Variants in DDX25 observed in about 807,000 individuals in gnomAD.
DDX25 encodes ATP-dependent RNA helicase DDX25.
In DDX25, 70 loss-of-function variants were observed where a neutral mutation model predicts 64.6. That is an observed-to-expected ratio of 1.08 (90% CI 0.89 to 1.32). The LOEUF is 1.32. Among genes scored for constraint, DDX25 ranks in the 40% most tolerant of loss-of-function variants. The pLI is 0.00. For synonymous variants in DDX25, 211 were observed against 213.3 expected (o/e 0.99, Z 0.09); for missense variants, 587 against 604.4 (o/e 0.97, Z 0.30).
Position 125,921,674 on chromosome 11 carries a change from A to C in DDX25, c.1390+295A>C, listed in dbSNP as rs1945118216. The C allele has an allele frequency of 3.8e-6, 1 of 263,930 alleles. No homozygotes were observed. Among genetic ancestry groups the C allele is most frequent in the African/African-American group, 2.2e-5 (1 of 46,456 alleles). 16.3% of individuals were successfully genotyped at this position (263,930 alleles called of 1,614,324 possible). ...GGGAGGCCGAGGTGGTCAGATCATGAGGTCAGGAAATCCAGACCATCCTGG... is the reference window on the plus strand; with the variant it reads ...GGGAGGCCGAGGTGGTCAGATCATGCGGTCAGGAAATCCAGACCATCCTGG... On this transcript the variant is annotated intron_variant, in intron 11 of 11. Coordinates refer to ENST00000263576, the MANE Select transcript of DDX25 (RefSeq NM_013264.5). The surrounding 1 kb of genome is among the most constrained non-coding windows in gnomAD (Gnocchi z 4.1).
chr11:125,920,270 C>G (rs1945093580), intron 10 of DDX25, among the ~76,000 whole-genome samples: 1 of 152,164 alleles, frequency 6.6e-6, no homozygotes, highest in African/African-American at 2.4e-5. Flanking sequence ...AACCCCATCT[C>G]TACTAAAAAT....
In DDX25 at chr11:125,921,526, G is replaced by A. The variant is rs1259784899; in HGVS notation, c.1390+147G>A. On this transcript the variant is annotated intron_variant, in intron 11 of 11. Transcript: ENST00000263576. This position sits in a 1 kb window ranked among gnomAD's most constrained non-coding sequence, Gnocchi z 4.1. ...AAGGCTTCTAATTCACAGGACCAGG[G>A]TTCTAATATGAGACAGATGATTAAA... 7.3e-6 allele frequency: 6 copies of A among 820,062 alleles called. No homozygotes were observed. The African/African-American group carries it at 1.0e-4, about 14-fold the overall frequency. 50.8% of individuals were successfully genotyped at this position (820,062 alleles called of 1,614,324 possible).
chr11:125,908,634 A>C, intron 6 of DDX25, 131 bp downstream of exon 6: 1 of 962,224 alleles, frequency 1.0e-6, no homozygotes, highest in Non-Finnish European at 1.6e-6. Context: ...TTTTCATAAA[A>C]TCATAGAGCA....
At position 125,925,700 on chromosome 11, in the gene DDX25, C is replaced by T. The variant is rs1565470548; in HGVS notation, c.*2819C>T. The T allele has an allele frequency of 3.1e-6, 1 of 322,000 alleles. No homozygotes were observed. The highest frequency in any genetic ancestry group is 8.0e-5 in the East Asian group (1 of 12,486). 19.9% of individuals were successfully genotyped at this position (322,000 alleles called of 1,614,324 possible). A position where few individuals can be genotyped will look rare whatever the true frequency, so the allele number is the denominator to read the frequency against. On this transcript the variant is annotated 3_prime_UTR_variant, in exon 12 of 12. Coordinates refer to ENST00000263576, the MANE Select transcript of DDX25 (RefSeq NM_013264.5). Reference sequence around the variant, plus strand: ...GTTAGCATATTGAAATTCATGATTACGTAGAGCAGGACTGTGATTTCCAGT... The same window carrying T: ...GTTAGCATATTGAAATTCATGATTATGTAGAGCAGGACTGTGATTTCCAGT...
rs553193468 is a variant in DDX25 at position 125,905,276 on chromosome 11, T to C, written c.128T>C (p.Ile43Thr). ...ATTAAGAGTACTGCAGTCCGAAACA[T>C]AGGTGAGTGCTGTTAGGGCAAAGCA... is the stretch of plus-strand genomic sequence containing the variant. ...WGIKSTAVRN[I>T]DGSINNINED... is the part of the protein sequence containing the mutation. Residue 43 changes from isoleucine to threonine, a missense_variant and splice_region_variant, in exon 2 of 12, where the codon ATA becomes ACA. Coordinates refer to ENST00000263576, the MANE Select transcript of DDX25 (RefSeq NM_013264.5). The C allele has an allele frequency of 1.9e-6, 3 of 1,551,654 alleles. No homozygotes were observed. Among genetic ancestry groups the C allele is most frequent in the South Asian group, 1.2e-5 (1 of 84,044 alleles).
chr11:125,904,688 C>A, intron 1 of DDX25, 108 bp downstream of exon 1: 1 of 1,248,012 alleles, frequency 8.0e-7, no homozygotes, highest in Non-Finnish European at 1.1e-6. Context: ...CGAAGTGGGG[C>A]GTCAGATGCT....
chr11:125,905,666 G>A (rs1229518094), intron 3 of DDX25, 69 bp downstream of exon 3: 8 of 1,437,556 alleles, frequency 5.6e-6, no homozygotes, highest in Admixed American at 4.0e-5. Flanking sequence ...AATAGTGTGA[G>A]TGAATAATAT....
intron 9 of DDX25, among the ~76,000 whole-genome samples, chr11:125,918,101 G>A (rs1327371345): frequency 3.3e-5 from 5 of 151,992 alleles, no homozygotes; most frequent in Non-Finnish European, 5.9e-5. Context: ...GGCTGGTCTC[G>A]AACTCCCGAC....
chr11:125,911,182 G>A (rs774618188), intron 7 of DDX25, 129 bp from the exon 8 acceptor site: 15 of 861,624 alleles, frequency 1.7e-5, no homozygotes, highest in Non-Finnish European at 2.1e-5. Context: ...AATGACCCTC[G>A]GGGTTTCCAC....
rs1190814953 is a variant in DDX25, at chr11:125,926,213, A to C, written c.*3332A>C. ...TACTATGTTCTCACCCACATTGTAC[A>C]GACAGCCCATCATGCTCAGCCTTGC... On this transcript the variant is annotated 3_prime_UTR_variant, in exon 12 of 12. Transcript: ENST00000263576. 6.6e-6 allele frequency: 1 copy of C among 152,372 alleles called. No individual in the cohort carries two copies. Among genetic ancestry groups the C allele is most frequent in the Non-Finnish European group, 1.5e-5 (1 of 68,176 alleles). The allele number at this position is 152,372 out of a possible 1,614,324, so 9.4% of individuals were successfully genotyped here. A position where few individuals can be genotyped will look rare whatever the true frequency, so the allele number is the denominator to read the frequency against.
chr11:125,925,591 G>A lies in DDX25; in HGVS notation c.*2710G>A. 5.0e-6 allele frequency: 2 copies of A among 397,764 alleles called. No homozygotes were observed. Among genetic ancestry groups the A allele is most frequent in the Middle Eastern group, 3.6e-4 (1 of 2,788 alleles). 24.6% of individuals were successfully genotyped at this position (397,764 alleles called of 1,614,324 possible). A position where few individuals can be genotyped will look rare whatever the true frequency, so the allele number is the denominator to read the frequency against. On this transcript the variant is annotated 3_prime_UTR_variant, in exon 12 of 12. Coordinates refer to ENST00000263576, the MANE Select transcript of DDX25 (RefSeq NM_013264.5). ...AACACCAGGTGATTTCAGTGCAACT[G>A]TGAGCTGGGTTCATCAGCTGTATGT...
chr11:125,917,087 C>T lies in DDX25; in HGVS notation c.874C>T (p.Arg292Ter), dbSNP rs755366877. Reference sequence around the variant, plus strand: ...GGACTCTGTGTGGCACTTTGCTGAGCGAATCATCCCTGACCCTAATGTTAT... The same window carrying T: ...GGACTCTGTGTGGCACTTTGCTGAGTGAATCATCCCTGACCCTAATGTTAT... ...FEDSVWHFAE[R>*]IIPDPNVIKL... The change falls in exon 9 of 12, where the codon CGA becomes TGA. Residue 292 changes from arginine to a stop codon, truncating the protein, a stop_gained. Transcript: ENST00000263576. LOFTEE classifies it high-confidence loss of function. 1.3e-5 allele frequency: 21 copies of T among 1,610,252 alleles called. No individual in the cohort carries two copies. Among genetic ancestry groups the T allele is most frequent in the African/African-American group, 2.7e-5 (2 of 74,882 alleles).
chr11:125,921,067 T>C lies in DDX25; in HGVS notation c.1202-124T>C, dbSNP rs1183407430. On this transcript the variant is annotated intron_variant, in intron 10 of 11. Transcript: ENST00000263576. This position sits in a 1 kb window ranked among gnomAD's most constrained non-coding sequence, Gnocchi z 4.1. ...AACCAAAGTACCTGTCTCAATTACA[T>C]AAGCCCTGGTTGGATTTCTAAATTT... The C allele has an allele frequency of 6.1e-6, 6 of 986,258 alleles. No homozygotes were observed. In the Admixed American group the frequency reaches 8.6e-5, roughly 14 times the overall value. 61.1% of individuals were successfully genotyped at this position (986,258 alleles called of 1,614,324 possible). A position where few individuals can be genotyped will look rare whatever the true frequency, so the allele number is the denominator to read the frequency against.
chr11:125,904,339 C>T (rs1256840562), upstream of DDX25: 1 of 466,252 alleles, frequency 2.1e-6, no homozygotes, highest in Non-Finnish European at 3.5e-6. Context: ...GCTCTCTGCC[C>T]TCCGCCCCTT....
chr11:125,921,192 G>T lies in DDX25; in HGVS notation c.1203G>T (p.Gly401=), dbSNP rs189595894. Residue 401 remains glycine, a splice_region_variant and synonymous_variant, in exon 11 of 12, where the codon GGG becomes GGT. Transcript: ENST00000263576. The surrounding 1 kb of genome is among the most constrained non-coding windows in gnomAD (Gnocchi z 4.1). Reference sequence around the variant, plus strand: ...CCTACAGTGTTTTTCCTCTTCTAGGGATTGATGTGAAGCAGGTCACAATTG... The same window carrying T: ...CCTACAGTGTTTTTCCTCTTCTAGGTATTGATGTGAAGCAGGTCACAATTG... ...VLITTNVCAR[G]IDVKQVTIVV... The T allele has an allele frequency of 3.4e-5, 55 of 1,609,530 alleles. No homozygotes were observed. The African/African-American group carries it at 5.2e-4, about 15-fold the overall frequency.
chr11:125,908,477 G>C lies in DDX25; in HGVS notation c.481G>C (p.Val161Leu), dbSNP rs762025546. The C allele has an allele frequency of 3.7e-6, 6 of 1,613,678 alleles. No homozygotes were observed. The highest frequency in any genetic ancestry group is 4.2e-6 in the Non-Finnish European group (5 of 1,179,904). Residue 161 changes from valine (V) to leucine (L), a missense_variant, in exon 6 of 12, where the codon GTT becomes CTT. Physicochemically the swap from Val to Leu is conservative, Grantham distance 32 (BLOSUM62 1). Transcript: ENST00000263576. ...AAFVLAMLSRVNALELFPQCL... is the reference protein window; with the variant it reads ...AAFVLAMLSRLNALELFPQCL... ...ATTTGTGTTGGCAATGTTAAGCAGA[G>C]TTAATGCCTTGGAATTGTTCCCACA...
At chr11:125,919,723 G>A (rs997676384) in intron 10 of DDX25, among the ~76,000 whole-genome samples, 1 of 152,042 alleles carries the variant, frequency 6.6e-6, no homozygotes, top group Non-Finnish European at 1.5e-5. Flanking sequence ...CTTGGGAAAG[G>A]TATCCTGAAA....
chr11:125,905,997 C>T lies in DDX25; in HGVS notation c.176-77C>T, dbSNP rs895959448. 14 of 1,471,506 alleles carry T rather than the reference C, an allele frequency of 9.5e-6. No individual in the cohort carries two copies. In the East Asian group the frequency reaches 3.2e-4, roughly 34 times the overall value. 91.2% of individuals were successfully genotyped at this position (1,471,506 alleles called of 1,614,324 possible). A position where few individuals can be genotyped will look rare whatever the true frequency, so the allele number is the denominator to read the frequency against. On this transcript the variant is annotated intron_variant, in intron 3 of 11. Coordinates refer to ENST00000263576, the MANE Select transcript of DDX25 (RefSeq NM_013264.5). ...TAGGTGCAATTGCTTGGTATACAAC[C>T]ACTGAAAGAGAAAGAGCAACTTATT...
At position 125,927,983 on chromosome 11, in the gene DDX25, C is replaced by A. The variant is rs920933339; in HGVS notation, c.*5102C>A. 1 of 152,166 alleles carries A rather than the reference C, an allele frequency of 6.6e-6. No individual in the cohort carries two copies. Among genetic ancestry groups the A allele is most frequent in the Non-Finnish European group, 1.5e-5 (1 of 68,028 alleles). The allele number at this position is 152,166 out of a possible 1,614,324, so 9.4% of individuals were successfully genotyped here. On this transcript the variant is annotated 3_prime_UTR_variant, in exon 12 of 12. Transcript: ENST00000263576. ...GCTTTGCACAAAAGAAGATTGTTTT[C>A]CACAAATGAAAATGGGGTGGTTAAC...
Sources: allele counts gnomAD v4.1 joint callset (sites outside exome capture counted in the v4.1 genomes callset), GRCh38; gene constraint gnomAD v4.1.1; non-coding constraint Gnocchi (gnomAD v3.1); transcripts MANE v1.5; gene names NCBI Gene and HGNC (gene_info 2026-07-23, HGNC 2026-07-21).